Variants in BCL7C observed in about 807,000 individuals in gnomAD.
BCL7C encodes the protein BAF chromatin remodeling complex subunit BCL7C.
A neutral mutation model predicts 26.2 loss-of-function variants in BCL7C; 8 were observed. The observed-to-expected ratio is 0.30, with a 90% confidence interval of 0.18 to 0.55. BCL7C has a LOEUF of 0.55. Among genes scored for constraint, BCL7C ranks in the 20% least tolerant of loss-of-function variants. BCL7C has a pLI of 0.93. For missense variants in BCL7C, 262 were observed against 298.5 expected (o/e 0.88, Z 0.90); for synonymous variants, 90 against 116.5 (o/e 0.77, Z 1.47).
downstream of BCL7C, among the ~76,000 whole-genome samples, chr16:30,883,599 C>T (rs1054692954): frequency 4.2e-5 from 6 of 142,004 alleles, no homozygotes; most frequent in Admixed American, 1.4e-4. Context: ...CCCAGGCAAC[C>T]TCCGCCTCCC....
At position 30,892,436 on chromosome 16, in the gene BCL7C, CTG is replaced by C. The variant is rs991927915; in HGVS notation, c.442+148_442+149del. ...ATTCTAAGAGACCAGAGGAATGAGA[CTG>C]TAGCTACAGGGAGATTCTGCAGGAG... On this transcript the variant is annotated intron_variant, in intron 4 of 5. Transcript: ENST00000215115. 328 of 647,434 alleles carry C rather than the reference CTG, an allele frequency of 5.1e-4. No homozygotes were observed. The African/African-American group carries it at 5.6e-3, about 11-fold the overall frequency. The allele number at this position is 647,434 out of a possible 1,614,324, so 40.1% of individuals were successfully genotyped here. A position where few individuals can be genotyped will look rare whatever the true frequency, so the allele number is the denominator to read the frequency against.
intron 5 of BCL7C, among the ~76,000 whole-genome samples, chr16:30,839,972 A>G (rs139175930): frequency 6.6e-6 from 1 of 152,284 alleles, no homozygotes. Context: ...GCTGTCTTGC[A>G]TTATGCTGGT....
intron 5 of BCL7C, among the ~76,000 whole-genome samples, chr16:30,843,567 CA>C (rs201904791): frequency 3.0e-4 from 42 of 140,106 alleles, no homozygotes; most frequent in Admixed American, 3.6e-4. Flanking sequence ...ACTCAAAAAA[CA>C]AAAAAAAAAA....
chr16:30,890,802 A>T (rs1449038665), intron 4 of BCL7C, among the ~76,000 whole-genome samples: 1 of 152,044 alleles, frequency 6.6e-6, no homozygotes, highest in Non-Finnish European at 1.5e-5. Context: ...CCTGGCCAAC[A>T]TGGAGAAACC....
At chr16:30,861,966 C>T (rs1466748492) in intron 5 of BCL7C, among the ~76,000 whole-genome samples, 1 of 149,818 alleles carries the variant, frequency 6.7e-6, no homozygotes, top group African/African-American at 2.5e-5. Context: ...TGGGTTCATG[C>T]CATTCTCCTG....
chr16:30,864,873 G>A (rs1311987249), intron 5 of BCL7C, among the ~76,000 whole-genome samples: 2 of 113,902 alleles, frequency 1.8e-5, no homozygotes, highest in African/African-American at 3.5e-5. Context: ...AAGGTACTTT[G>A]TAATATTCTC....
chr16:30,862,696 C>T (rs546896857), intron 5 of BCL7C, among the ~76,000 whole-genome samples: 5 of 152,192 alleles, frequency 3.3e-5, no homozygotes, highest in South Asian at 2.1e-4. Context: ...TGATCGTGTC[C>T]GGATAATCTC....
intron 5 of BCL7C, among the ~76,000 whole-genome samples, chr16:30,849,773 T>C (rs1043013865): frequency 2.3e-4 from 35 of 151,450 alleles, no homozygotes; most frequent in African/African-American, 7.5e-4. Flanking sequence ...TTTTTTTTTT[T>C]TGGAGTCAGG....
intron 5 of BCL7C, among the ~76,000 whole-genome samples, chr16:30,869,446 T>TCTC (rs2054863759): frequency 6.7e-6 from 1 of 149,200 alleles, no homozygotes; most frequent in African/African-American, 2.5e-5. Context: ...CTCTAGTGGA[T>TCTC]CTCCTGCCTC....
downstream of BCL7C, among the ~76,000 whole-genome samples, chr16:30,884,498 T>G (rs993082493): frequency 1.4e-5 from 2 of 147,502 alleles, no homozygotes; most frequent in Non-Finnish European, 3.0e-5. Context: ...ATTTGTTTTT[T>G]TTTTTTTTTT....
chr16:30,881,426 A>ACAC (rs1567320786), intron 5 of BCL7C, among the ~76,000 whole-genome samples: 1 of 144,900 alleles, frequency 6.9e-6, no homozygotes, highest in South Asian at 2.3e-4. Flanking sequence ...ACACACACAC[A>ACAC]ACAAAAAATT....
rs182120148 is a variant in BCL7C, at chr16:30,866,797, T to C, written c.528+22063A>G. Among the ~76,000 whole-genome samples, 4 of 152,292 alleles carry C rather than the reference T, an allele frequency of 2.6e-5. No homozygotes were observed. In the East Asian group the frequency reaches 7.7e-4, roughly 29 times the overall value. On this transcript the variant is annotated intron_variant, in intron 5 of 5. Transcript: ENST00000380317. ...TGCTGGGCGTGCCGTCTCATGCCTG[T>C]AATGCCAGCACTTTGGGAAGCTGAG...
downstream of BCL7C, among the ~76,000 whole-genome samples, chr16:30,884,925 T>C (rs114957517): frequency 5.2e-4 from 79 of 152,260 alleles, no homozygotes; most frequent in African/African-American, 1.8e-3. Flanking sequence ...GCTTCAACAC[T>C]GCACCACTAA....
Position 30,893,359 on chromosome 16 carries a change from A to T in BCL7C, c.93-69T>A. 3 of 1,273,412 alleles carry T rather than the reference A, an allele frequency of 2.4e-6. No individual in the cohort carries two copies. The highest frequency in any genetic ancestry group is 3.3e-6 in the Non-Finnish European group (3 of 898,238). 78.9% of individuals were successfully genotyped at this position (1,273,412 alleles called of 1,614,324 possible). On this transcript the variant is annotated intron_variant, in intron 1 of 5. Transcript: ENST00000215115. The surrounding 1 kb of genome is among the most constrained non-coding windows in gnomAD (Gnocchi z 5.2). ...ACCCACCCCCCTAGGAGCTGGACAC[A>T]TCTGGGGGTACCTGCAGAGGTTGAG...
At chr16:30,833,728 A>C (rs1293248661) in exon 6 of BCL7C, 10 of 152,216 alleles carry the variant, frequency 6.6e-5, no homozygotes, top group Admixed American at 6.5e-4. Context: ...TGAAGCGTGA[A>C]ATTTCTGTCA....
chr16:30,872,710 C>T (rs968723582), intron 5 of BCL7C, among the ~76,000 whole-genome samples: 1 of 152,148 alleles, frequency 6.6e-6, no homozygotes, highest in Non-Finnish European at 1.5e-5. Context: ...AGTCCATTCC[C>T]CACCCCCTAT....
intron 5 of BCL7C, among the ~76,000 whole-genome samples, chr16:30,855,677 C>T (rs962842723): frequency 2.0e-5 from 3 of 152,112 alleles, no homozygotes; most frequent in African/African-American, 7.2e-5. Context: ...GTAATCCCAA[C>T]AGTTTAGGAG....
At chr16:30,883,473 C>T (rs1230557161), downstream of BCL7C, among the ~76,000 whole-genome samples, 1 of 151,514 alleles carries the variant, frequency 6.6e-6, no homozygotes, top group Non-Finnish European at 1.5e-5. Flanking sequence ...GCCTCAGCCT[C>T]CCGCCTCAGC....
rs529779616 is a variant in BCL7C, at chr16:30,850,644, C to T, written c.529-15496G>A. 2.6e-5 allele frequency among the ~76,000 whole-genome samples: 4 copies of T among 152,186 alleles called. No homozygotes were observed. In the South Asian group the frequency reaches 6.2e-4, roughly 24 times the overall value. Reference sequence around the variant, plus strand: ...TGGTAAGTATTTGTGTATTTAAACACACAGAAAAGGTACAGTAAAAATACA... The same window carrying T: ...TGGTAAGTATTTGTGTATTTAAACATACAGAAAAGGTACAGTAAAAATACA... On this transcript the variant is annotated intron_variant, in intron 5 of 5. Transcript: ENST00000380317.
Sources: gnomAD v4.1 joint callset for allele counts (sites outside exome capture counted in the v4.1 genomes callset) on GRCh38, gnomAD v4.1.1 for gene constraint, Gnocchi (gnomAD v3.1) non-coding constraint, MANE v1.5 for transcripts, NCBI Gene and HGNC (gene_info 2026-07-23, HGNC 2026-07-21) for gene names.